Variants in GRID1 observed in about 807,000 individuals in gnomAD.
GRID1 encodes the protein glutamate ionotropic receptor delta type subunit 1, also known as glutamate receptor ionotropic, delta-1.
GRID1 carries 28 observed loss-of-function variants against 98.0 expected under a neutral mutation model. The ratio of observed to expected loss-of-function variants is 0.29; its 90% CI spans 0.21 to 0.39. The LOEUF (loss-of-function observed/expected upper bound fraction) is 0.39, where lower values mean the gene tolerates loss of function less well. Ranked by LOEUF, GRID1 falls within the 10% of genes least tolerant of loss-of-function variation. The pLI is 1.00. For missense variants in GRID1, 1,111 were observed against 1,340.5 expected, an observed-to-expected ratio of 0.83 and a Z score of 2.67; for synonymous variants, 553 against 538.5, an observed-to-expected ratio of 1.03 and a Z score of -0.37.
intron 13 of GRID1, among the ~76,000 whole-genome samples, chr10:85,621,474 G>A (rs1842859421): frequency 6.6e-6 from 1 of 152,102 alleles, no homozygotes; most frequent in South Asian, 2.1e-4. Context: ...AAGACCCCAA[G>A]TGCTCATGGC....
At chr10:85,612,186 G>A (rs956013088) in intron 15 of GRID1, among the ~76,000 whole-genome samples, 1 of 152,172 alleles carries the variant, frequency 6.6e-6, no homozygotes, top group Non-Finnish European at 1.5e-5. Flanking sequence ...CCCCTGACCT[G>A]CCAGGAATGC....
intron 4 of GRID1, among the ~76,000 whole-genome samples, chr10:86,079,703 A>G (rs1403377603): frequency 6.6e-6 from 1 of 152,154 alleles, no homozygotes; most frequent in Non-Finnish European, 1.5e-5. Context: ...ATGGTGATAA[A>G]AAGCACCTCC....
chr10:86,178,455 A>C (rs996716777), intron 3 of GRID1, among the ~76,000 whole-genome samples: 6 of 152,050 alleles, frequency 3.9e-5, no homozygotes, highest in African/African-American at 1.4e-4. Flanking sequence ...ATTTTTGGCA[A>C]ACGGTGCTGG....
intron 3 of GRID1, among the ~76,000 whole-genome samples, chr10:86,204,853 G>C (rs946594842): frequency 6.6e-6 from 1 of 152,160 alleles, no homozygotes; most frequent in African/African-American, 2.4e-5. Flanking sequence ...TTCAGCCTCA[G>C]AGCAGGCTGG....
intron 8 of GRID1, among the ~76,000 whole-genome samples, chr10:85,730,652 T>C (rs762995165): frequency 3.3e-5 from 5 of 152,192 alleles, no homozygotes; most frequent in Non-Finnish European, 5.9e-5. Context: ...CAGAGCCTCT[T>C]ATTTAATTGG....
At chr10:86,218,248 C>T (rs138011337) in intron 2 of GRID1, among the ~76,000 whole-genome samples, 5 of 152,208 alleles carry the variant, frequency 3.3e-5, no homozygotes, top group Non-Finnish European at 5.9e-5. Flanking sequence ...CTCCCCCCAC[C>T]GCAGCCTATG....
rs535724776 is a variant in GRID1, at chr10:85,972,786, G to T, written c.727-56547C>A. On this transcript the variant is annotated intron_variant, in intron 4 of 15. Coordinates refer to ENST00000327946, the MANE Select transcript of GRID1 (RefSeq NM_017551.3). The stretch of plus-strand genomic sequence containing the variant: ...TAAATTTTAACAAGTGAGATTATTG[G>T]GTCAAACAAATGAACACATTGATGA... Among the ~76,000 whole-genome samples, 4 of 151,998 alleles carry T rather than the reference G, an allele frequency of 2.6e-5. No homozygotes were observed. The East Asian group carries it at 7.7e-4, about 29-fold the overall frequency.
intron 8 of GRID1, among the ~76,000 whole-genome samples, chr10:85,777,044 A>C (rs1917153): frequency 0.8 from 121,643 of 151,732 alleles, 48,960 homozygotes; most frequent in East Asian, 0.96. Flanking sequence ...AAAATGCATT[A>C]CTTCCCAGTG....
chr10:86,112,736 C>A (rs1844507941), intron 4 of GRID1, among the ~76,000 whole-genome samples: 1 of 152,146 alleles, frequency 6.6e-6, no homozygotes, highest in South Asian at 2.1e-4. Context: ...GATGAAAGAG[C>A]AATTTCCACT....
intron 2 of GRID1, among the ~76,000 whole-genome samples, chr10:86,320,293 T>C (rs1847952045): frequency 6.6e-6 from 1 of 152,164 alleles, no homozygotes. Context: ...TCCTGAGAGA[T>C]TACTGTGCAT....
intron 15 of GRID1, among the ~76,000 whole-genome samples, chr10:85,610,470 A>G (rs879301663): frequency 6.6e-6 from 1 of 152,112 alleles, no homozygotes; most frequent in Non-Finnish European, 1.5e-5. Flanking sequence ...CCCTGCCCAA[A>G]ATGCAACTTC....
chr10:85,709,369 A>G (rs1192879977), intron 12 of GRID1, among the ~76,000 whole-genome samples: 1 of 152,248 alleles, frequency 6.6e-6, no homozygotes, highest in Non-Finnish European at 1.5e-5. Context: ...ATAAATAAAA[A>G]TATTTGATTC....
chr10:85,698,040 G>T (rs774149288), intron 12 of GRID1, among the ~76,000 whole-genome samples: 1 of 152,132 alleles, frequency 6.6e-6, no homozygotes, highest in Non-Finnish European at 1.5e-5. Flanking sequence ...GTGAGTATGT[G>T]AGGGTATAAA....
At chr10:85,896,707 G>A (rs1222201046) in intron 5 of GRID1, among the ~76,000 whole-genome samples, 1 of 152,060 alleles carries the variant, frequency 6.6e-6, no homozygotes, top group Non-Finnish European at 1.5e-5. Context: ...CTAAAATATT[G>A]GTAAAAACAA....
At chr10:86,355,267 G>A (rs1848518804) in intron 2 of GRID1, among the ~76,000 whole-genome samples, 4 of 152,336 alleles carry the variant, frequency 2.6e-5, no homozygotes, top group East Asian at 1.9e-4. Flanking sequence ...CCACACTCCC[G>A]CCTCTTCAGC....
At chr10:86,308,729 A>G (rs2132086668) in intron 2 of GRID1, among the ~76,000 whole-genome samples, 1 of 152,314 alleles carries the variant, frequency 6.6e-6, no homozygotes, top group African/African-American at 2.4e-5. Context: ...TCCAAGGTTG[A>G]GGGGCCCACA....
chr10:85,992,502 C>T (rs1343910535), intron 4 of GRID1, among the ~76,000 whole-genome samples: 2 of 151,706 alleles, frequency 1.3e-5, no homozygotes. Context: ...TTGGAGGTCT[C>T]ACTAGGAGGT....
At chr10:85,847,820 A>G (rs1843021163) in intron 8 of GRID1, among the ~76,000 whole-genome samples, 1 of 152,182 alleles carries the variant, frequency 6.6e-6, no homozygotes, top group African/African-American at 2.4e-5. Context: ...ATATAAGAAA[A>G]TGCAAATGAA....
At chr10:85,734,445 C>A (rs1813507771) in intron 8 of GRID1, among the ~76,000 whole-genome samples, 1 of 152,130 alleles carries the variant, frequency 6.6e-6, no homozygotes, top group Non-Finnish European at 1.5e-5. Flanking sequence ...TATTATCATG[C>A]TTCTCTCTTT....
Sources: gnomAD v4.1 joint callset for allele counts (sites outside exome capture counted in the v4.1 genomes callset) on GRCh38, gnomAD v4.1.1 for gene constraint, MANE v1.5 for transcripts, NCBI Gene and HGNC (gene_info 2026-07-23, HGNC 2026-07-21) for gene names.